The following RFC3 variants were observed in gnomAD, a reference collection of about 807,000 sequenced individuals.
RFC3 encodes the protein replication factor C subunit 3, also known as A1 38 kDa subunit.
A neutral mutation model predicts 45.1 loss-of-function variants in RFC3; 41 were observed. The observed-to-expected ratio is 0.91, with a 90% confidence interval of 0.71 to 1.18. The LOEUF is 1.18. Ranked by LOEUF, RFC3 falls within the 50% of genes most tolerant of loss-of-function variation. RFC3 has a pLI of 0.00. For missense variants in RFC3, 423 were observed against 428.1 expected, an observed-to-expected ratio of 0.99 and a Z score of 0.10; for synonymous variants, 149 against 144.0, an observed-to-expected ratio of 1.03 and a Z score of -0.25.
intron 8 of RFC3, among the ~76,000 whole-genome samples, chr13:33,910,688 G>C (rs1334724284): frequency 6.6e-6 from 1 of 152,048 alleles, no homozygotes; most frequent in Non-Finnish European, 1.5e-5. Context: ...GCTCGAGGTA[G>C]GTGTATTAGT....
downstream of RFC3, among the ~76,000 whole-genome samples, chr13:33,840,542 C>G (rs1819934145): frequency 6.6e-6 from 1 of 150,790 alleles, no homozygotes; most frequent in Admixed American, 6.6e-5. Flanking sequence ...CTGGCTCTCT[C>G]ATTATTACAT....
At chr13:33,917,766 A>AT (rs1302982068) in intron 8 of RFC3, among the ~76,000 whole-genome samples, 1 of 151,912 alleles carries the variant, frequency 6.6e-6, no homozygotes, top group East Asian at 1.9e-4. Flanking sequence ...TCTGTGAAAG[A>AT]TTTTTCTCAC....
intron 1 of RFC3, 125 bp from the exon 2 acceptor site, chr13:33,821,007 A>C (rs966769688): frequency 1.2e-6 from 1 of 826,584 alleles, no homozygotes; most frequent in African/African-American, 1.7e-5. Context: ...AATTGGGTGT[A>C]TCTACTCATG....
the RFC3 span, among the ~76,000 whole-genome samples, chr13:33,976,938 C>T: frequency 6.6e-6 from 1 of 152,016 alleles, no homozygotes; most frequent in African/African-American, 2.4e-5. Flanking sequence ...CCCAGGTAGT[C>T]AAGGTTAGCA....
chr13:33,823,244 CAT>C (rs1335606652), intron 2 of RFC3, among the ~76,000 whole-genome samples: 5 of 152,116 alleles, frequency 3.3e-5, no homozygotes, highest in East Asian at 1.9e-4. Flanking sequence ...CATACACACA[CAT>C]GTATTATATT....
chr13:33,823,126 AG>A (rs2082018212), intron 2 of RFC3, among the ~76,000 whole-genome samples: 1 of 152,184 alleles, frequency 6.6e-6, no homozygotes, highest in Non-Finnish European at 1.5e-5. Context: ...AAAAATTGAA[AG>A]GCATGATAAA....
At chr13:33,819,991 G>A (rs1210179880) in intron 1 of RFC3, among the ~76,000 whole-genome samples, 1 of 152,150 alleles carries the variant, frequency 6.6e-6, no homozygotes, top group Non-Finnish European at 1.5e-5. Context: ...TGACAGAGAT[G>A]GATGAGTTTA....
chr13:33,857,095 A>G (rs2082312804), intron 8 of RFC3, among the ~76,000 whole-genome samples: 1 of 152,210 alleles, frequency 6.6e-6, no homozygotes, highest in Non-Finnish European at 1.5e-5. Context: ...ATGTCTTTGA[A>G]CTTAAACTTG....
At chr13:33,939,261 A>G (rs1346399824) in intron 8 of RFC3, among the ~76,000 whole-genome samples, 3 of 152,176 alleles carry the variant, frequency 2.0e-5, no homozygotes, top group Admixed American at 1.3e-4. Context: ...AGTCTGTGCT[A>G]ATGAGATGAC....
chr13:33,895,365 A>T (rs183669026), intron 8 of RFC3, among the ~76,000 whole-genome samples: 1 of 152,318 alleles, frequency 6.6e-6, no homozygotes, highest in Non-Finnish European at 1.5e-5. Context: ...AGATGTACAA[A>T]TGGCCAAAAA....
chr13:33,835,255 A>G, intron 8 of RFC3, 38 bp downstream of exon 8: 1 of 1,375,554 alleles, frequency 7.3e-7, no homozygotes, highest in Non-Finnish European at 1.0e-6. Flanking sequence ...TTACAGCTAT[A>G]AAATTTGGAC....
At chr13:33,896,826 T>C (rs1274465332) in intron 8 of RFC3, among the ~76,000 whole-genome samples, 1 of 142,332 alleles carries the variant, frequency 7.0e-6, no homozygotes, top group Non-Finnish European at 1.5e-5. Context: ...CAACAGGGAG[T>C]GAAACTGCAT....
intron 8 of RFC3, among the ~76,000 whole-genome samples, chr13:33,926,580 C>G (rs1310967507): frequency 3.3e-5 from 5 of 152,076 alleles, no homozygotes; most frequent in African/African-American, 1.2e-4. Flanking sequence ...GGAATTTTTA[C>G]TGTAAGTTTT....
intron 8 of RFC3, 128 bp downstream of exon 8, chr13:33,835,345 A>G: frequency 1.3e-6 from 1 of 753,906 alleles, no homozygotes; most frequent in East Asian, 2.5e-5. Flanking sequence ...GCACGTATTT[A>G]CTGAACCTCT....
At chr13:33,862,226 G>T (rs1243605288) in intron 8 of RFC3, among the ~76,000 whole-genome samples, 2 of 148,802 alleles carry the variant, frequency 1.3e-5, no homozygotes, top group Non-Finnish European at 3.0e-5. Flanking sequence ...GAAGAATTAG[G>T]TCTGGTAATT....
chr13:33,906,615 T>C (rs1225245723), intron 8 of RFC3, among the ~76,000 whole-genome samples: 1 of 152,148 alleles, frequency 6.6e-6, no homozygotes, highest in African/African-American at 2.4e-5. Flanking sequence ...CTCCTTTTCC[T>C]TGGTTCACTT....
chr13:33,853,622 C>T (rs1305677323), intron 8 of RFC3, among the ~76,000 whole-genome samples: 2 of 152,080 alleles, frequency 1.3e-5, no homozygotes, highest in Non-Finnish European at 2.9e-5. Context: ...AGAAAGAATA[C>T]AGGGAGAAAG....
intron 8 of RFC3, among the ~76,000 whole-genome samples, chr13:33,871,883 T>A (rs1172601162): frequency 1.3e-5 from 2 of 152,154 alleles, no homozygotes; most frequent in African/African-American, 2.4e-5. Context: ...AGCAAAACAT[T>A]TAAGATTTTG....
intron 8 of RFC3, among the ~76,000 whole-genome samples, chr13:33,898,273 C>T (rs190511196): frequency 2.0e-4 from 31 of 151,962 alleles, no homozygotes; most frequent in Non-Finnish European, 3.5e-4. Context: ...AAATAAGCCT[C>T]AACAAATCCA....
Sources: allele counts gnomAD v4.1 joint callset (sites outside exome capture counted in the v4.1 genomes callset), GRCh38; gene constraint gnomAD v4.1.1; transcripts MANE v1.5; gene names NCBI Gene and HGNC (gene_info 2026-07-23, HGNC 2026-07-21).